Variants in HEATR5A observed in about 807,000 individuals in gnomAD.
HEATR5A encodes HEAT repeat-containing protein 5A.
In HEATR5A, 178 loss-of-function variants were observed where a neutral mutation model predicts 218.8. The observed-to-expected ratio is 0.81, with a 90% CI of 0.72 to 0.92. HEATR5A has a LOEUF of 0.92. Among genes scored for constraint, HEATR5A ranks in the 40% least tolerant of loss-of-function variants. HEATR5A has a pLI of 0.00. For synonymous variants in HEATR5A, 864 were observed against 871.6 expected, an observed-to-expected ratio of 0.99 and a Z score of 0.15; for missense variants, 2,420 against 2,418.9, an observed-to-expected ratio of 1.00 and a Z score of -0.01.
In HEATR5A at chr14:31,371,925, G is replaced by A; in HGVS notation, c.1862-16C>T. 7.5e-7 allele frequency: 1 copy of A among 1,324,768 alleles called. No individual in the cohort carries two copies. The highest frequency in any genetic ancestry group is 2.6e-5 in the East Asian group (1 of 38,852). The allele number at this position is 1,324,768 out of a possible 1,614,324, so 82.1% of individuals were successfully genotyped here. A position where few individuals can be genotyped will look rare whatever the true frequency, so the allele number is the denominator to read the frequency against. ...CTCTTGATAGCTGAAAAGGAAAACA[G>A]ACTTTTACTTGGGCATACTGTAATC... is the stretch of plus-strand genomic sequence containing the variant. On this transcript the variant is annotated splice_polypyrimidine_tract_variant and intron_variant, in intron 12 of 35. Transcript: ENST00000543095.
chr14:31,384,767 T>C (rs1566777257), intron 9 of HEATR5A, among the ~76,000 whole-genome samples: 3 of 152,026 alleles, frequency 2.0e-5, no homozygotes, highest in African/African-American at 7.2e-5. Context: ...CCTCAGGTGA[T>C]CCACTCACCT....
At chr14:31,398,165 G>A (rs1419635075) in intron 4 of HEATR5A, among the ~76,000 whole-genome samples, 1 of 152,156 alleles carries the variant, frequency 6.6e-6, no homozygotes, top group African/African-American at 2.4e-5. Flanking sequence ...ATATTTCAAT[G>A]AGGATAAAGT....
chr14:31,404,828 C>G (rs2030999159), intron 1 of HEATR5A, among the ~76,000 whole-genome samples: 1 of 151,794 alleles, frequency 6.6e-6, no homozygotes, highest in African/African-American at 2.4e-5. Flanking sequence ...GTAGGAGGAT[C>G]ACTTGAGCCA....
chr14:31,321,951 A>C (rs1157273740), intron 24 of HEATR5A, among the ~76,000 whole-genome samples: 1 of 152,202 alleles, frequency 6.6e-6, no homozygotes, highest in Non-Finnish European at 1.5e-5. Flanking sequence ...TAGTATCTTC[A>C]ATAAAATTTT....
chr14:31,354,678 T>C (rs17577629), intron 16 of HEATR5A, among the ~76,000 whole-genome samples: 42,196 of 152,160 alleles, frequency 0.28, 7,025 homozygotes, highest in Non-Finnish European at 0.38. Context: ...TGCAGTTAAC[T>C]GAATAAAGGG....
intron 16 of HEATR5A, among the ~76,000 whole-genome samples, chr14:31,352,989 AAATGT>A (rs959231309): frequency 2.6e-5 from 4 of 151,752 alleles, no homozygotes; most frequent in African/African-American, 7.3e-5. Flanking sequence ...AATAAAAATA[AAATGT>A]AATAAAAATG....
At chr14:31,324,913 G>T (rs1900217015) in intron 23 of HEATR5A, among the ~76,000 whole-genome samples, 1 of 152,182 alleles carries the variant, frequency 6.6e-6, no homozygotes, top group Non-Finnish European at 1.5e-5. Flanking sequence ...AAGATAGTCA[G>T]AGCAGAGAAT....
intron 27 of HEATR5A, among the ~76,000 whole-genome samples, chr14:31,314,337 C>T (rs182170130): frequency 6.6e-6 from 1 of 152,202 alleles, no homozygotes; most frequent in African/African-American, 2.4e-5. Context: ...ACTGCAACCT[C>T]TGCCTCCCGG....
rs1480159310 is a variant in HEATR5A, at chr14:31,321,828, G to A, written c.3788-148C>T. On this transcript the variant is annotated intron_variant, in intron 24 of 35. Transcript: ENST00000543095. Reference sequence around the variant, plus strand: ...CTGTTTTTGCTGTTTGTTAAATAGAGACTTTAAAGCTGGATTTAATGTACA... The same window carrying A: ...CTGTTTTTGCTGTTTGTTAAATAGAAACTTTAAAGCTGGATTTAATGTACA... 6.4e-6 allele frequency: 4 copies of A among 627,336 alleles called. No homozygotes were observed. The East Asian group carries it at 8.4e-5, about 13-fold the overall frequency. 38.9% of individuals were successfully genotyped at this position (627,336 alleles called of 1,614,324 possible).
intron 12 of HEATR5A, among the ~76,000 whole-genome samples, chr14:31,372,382 G>A (rs1016721435): frequency 5.3e-5 from 8 of 152,112 alleles, no homozygotes; most frequent in Non-Finnish European, 8.8e-5. Context: ...TCACCATGTT[G>A]GCCAGGCTTG....
chr14:31,399,662 T>C (rs2030796206), intron 3 of HEATR5A, among the ~76,000 whole-genome samples: 1 of 152,132 alleles, frequency 6.6e-6, no homozygotes, highest in Non-Finnish European at 1.5e-5. Flanking sequence ...AAACCCCGTA[T>C]CTACTAAAAA....
At chr14:31,334,737 G>A (rs1029767202) in intron 22 of HEATR5A, among the ~76,000 whole-genome samples, 8 of 152,104 alleles carry the variant, frequency 5.3e-5, no homozygotes, top group Non-Finnish European at 1.0e-4. Context: ...ACGAGGTCAG[G>A]AGATTGAGAC....
chr14:31,365,234 A>G (rs1901759574), intron 13 of HEATR5A, among the ~76,000 whole-genome samples: 1 of 152,180 alleles, frequency 6.6e-6, no homozygotes, highest in African/African-American at 2.4e-5. Flanking sequence ...CCTTAGCAAT[A>G]CAGAAGTTTA....
chr14:31,387,318 C>G lies in HEATR5A; in HGVS notation c.991G>C (p.Ala331Pro). The change falls in exon 8 of 36, where the codon GCC becomes CCC. Residue 331 changes from alanine (A) to proline (P), a missense_variant. Ala to Pro is a conservative substitution (Grantham distance 27, BLOSUM62 -1). Coordinates refer to ENST00000543095, the MANE Select transcript of HEATR5A (RefSeq NM_015473.4). ...GGAWLEKNFA[A>P]FFSHILSLAS... ...AGGCTTAGGATATGAGAAAAAAAGGCAGCAAAATTTTTCTCTAGCCAAGCT... is the reference window on the plus strand; with the variant it reads ...AGGCTTAGGATATGAGAAAAAAAGGGAGCAAAATTTTTCTCTAGCCAAGCT... The G allele has an allele frequency of 1.2e-6, 2 of 1,613,824 alleles. No homozygotes were observed. Among genetic ancestry groups the G allele is most frequent in the Non-Finnish European group, 1.7e-6 (2 of 1,179,768 alleles).
At chr14:31,369,065 G>A (rs1444252499) in intron 13 of HEATR5A, among the ~76,000 whole-genome samples, 1 of 152,146 alleles carries the variant, frequency 6.6e-6, no homozygotes, top group Middle Eastern at 3.2e-3. Flanking sequence ...GGGAGGCTGA[G>A]GCAGGAACAT....
At chr14:31,348,639 T>C (rs1042466733) in intron 18 of HEATR5A, among the ~76,000 whole-genome samples, 2 of 152,238 alleles carry the variant, frequency 1.3e-5, no homozygotes, top group Non-Finnish European at 2.9e-5. Flanking sequence ...ATTTTCTATG[T>C]ACTGTGTGCT....
In HEATR5A at chr14:31,394,088, A is replaced by G; in HGVS notation, c.736T>C (p.Leu246=). 1 of 1,532,952 alleles carries G rather than the reference A, an allele frequency of 6.5e-7. No individual in the cohort carries two copies. The highest frequency in any genetic ancestry group is 8.7e-7 in the Non-Finnish European group (1 of 1,145,196). The allele number at this position is 1,532,952 out of a possible 1,614,324, so 95.0% of individuals were successfully genotyped here. The change falls in exon 6 of 36, where the codon TTA becomes CTA. Residue 246 remains leucine, a synonymous_variant. Transcript: ENST00000543095. The stretch of plus-strand genomic sequence containing the variant: ...TGTTTAGAAATTACAGCTTTAGCTA[A>G]TATTATGCCTAGTAACTTTGAAACA... ...ISVSKLLGII[L]AKAVISKHPG...
At chr14:31,393,955 G>A in intron 6 of HEATR5A, 97 bp downstream of exon 6, 1 of 859,016 alleles carries the variant, frequency 1.2e-6, no homozygotes, top group Non-Finnish European at 1.7e-6. Context: ...GCCTGAAATT[G>A]ATTTATAACG....
chr14:31,413,347 A>G (rs1358365907), intron 1 of HEATR5A, among the ~76,000 whole-genome samples: 1 of 152,128 alleles, frequency 6.6e-6, no homozygotes, highest in African/African-American at 2.4e-5. Context: ...GTGGGGTGAA[A>G]AAGGGTTACA....
Sources: allele counts gnomAD v4.1 joint callset (sites outside exome capture counted in the v4.1 genomes callset), GRCh38; gene constraint gnomAD v4.1.1; transcripts MANE v1.5; gene names NCBI Gene and HGNC (gene_info 2026-07-23, HGNC 2026-07-21).